Variants in IMPG1 observed in about 807,000 individuals in gnomAD.
IMPG1 encodes interphotoreceptor matrix proteoglycan 1.
A neutral mutation model predicts 92.0 loss-of-function variants in IMPG1; 85 were observed. That is an observed-to-expected ratio of 0.92 (90% confidence interval 0.78 to 1.11). The LOEUF is 1.11. IMPG1 is among the 50% of genes least tolerant of loss of function. The pLI is 0.00. For missense variants in IMPG1, 1,022 were observed against 956.0 expected, an observed-to-expected ratio of 1.07 and a Z score of -0.91; for synonymous variants, 367 against 334.1, an observed-to-expected ratio of 1.10 and a Z score of -1.08.
In IMPG1 at chr6:75,935,630, G is replaced by A. The variant is rs201076107; in HGVS notation, c.2045-4479C>T. On this transcript the variant is annotated intron_variant, in intron 14 of 16. Transcript: ENST00000369950. ...GGTGAAGGGGTCATTCCTTTGCCTG[G>A]GGCATCAGAGAAAGGCAAACTTACG... 5.9e-5 allele frequency among the ~76,000 whole-genome samples: 9 copies of A among 152,256 alleles called. No homozygotes were observed. The East Asian group carries it at 1.5e-3, about 26-fold the overall frequency.
chr6:75,987,685 C>G (rs144432529), intron 12 of IMPG1, among the ~76,000 whole-genome samples: 1,561 of 149,862 alleles, frequency 0.01, 30 homozygotes, highest in African/African-American at 0.037. Context: ...CACTCTGTTA[C>G]CCAGGCTGGA....
At chr6:76,034,174 G>A in intron 4 of IMPG1, 141 bp downstream of exon 4, 1 of 745,802 alleles carries the variant, frequency 1.3e-6, no homozygotes, top group South Asian at 1.8e-5. Context: ...ATTATATGCA[G>A]GAATTGTCTG....
chr6:76,007,464 T>C lies in IMPG1; in HGVS notation c.887+16A>G, dbSNP rs1248620397. On this transcript the variant is annotated intron_variant, in intron 9 of 16. Transcript: ENST00000369950. Reference sequence around the variant, plus strand: ...ACGGGAATGTACTATATTTCAAAACTTAAAGTCCAAATTACCCATCTTTTT... The same window carrying C: ...ACGGGAATGTACTATATTTCAAAACCTAAAGTCCAAATTACCCATCTTTTT... 1 of 1,586,758 alleles carries C rather than the reference T, an allele frequency of 6.3e-7. No individual in the cohort carries two copies. Among genetic ancestry groups the C allele is most frequent in the Non-Finnish European group, 8.6e-7 (1 of 1,160,030 alleles).
intron 12 of IMPG1, among the ~76,000 whole-genome samples, chr6:75,971,565 T>A (rs367812323): frequency 6.6e-6 from 1 of 152,222 alleles, no homozygotes; most frequent in African/African-American, 2.4e-5. Context: ...TAACCTCCCC[T>A]TAATTTACAC....
intron 1 of IMPG1, among the ~76,000 whole-genome samples, chr6:76,056,605 C>T (rs1784124379): frequency 6.6e-6 from 1 of 152,050 alleles, no homozygotes; most frequent in Admixed American, 6.6e-5. Context: ...GAAGAACTTC[C>T]ATACTGTTTT....
intron 2 of IMPG1, among the ~76,000 whole-genome samples, chr6:76,040,498 C>CT (rs1423426160): frequency 6.6e-5 from 10 of 152,200 alleles, no homozygotes; most frequent in Non-Finnish European, 1.5e-5. Context: ...ACTCATGTCA[C>CT]TGTCTTTTCT....
intron 12 of IMPG1, among the ~76,000 whole-genome samples, chr6:75,985,313 G>T (rs1782695675): frequency 6.6e-6 from 1 of 152,156 alleles, no homozygotes; most frequent in Admixed American, 6.5e-5. Context: ...CTGGCAGAGA[G>T]GATGCAGTAG....
chr6:75,974,451 T>TG (rs1782499256), intron 12 of IMPG1, among the ~76,000 whole-genome samples: 1 of 133,048 alleles, frequency 7.5e-6, no homozygotes, highest in Non-Finnish European at 1.6e-5. Context: ...CTTCCTTCCT[T>TG]CTTTCTTCTT....
intron 12 of IMPG1, among the ~76,000 whole-genome samples, chr6:75,961,816 C>T (rs1782216113): frequency 6.6e-6 from 1 of 152,160 alleles, no homozygotes; most frequent in Admixed American, 6.5e-5. Context: ...TACTATCAAT[C>T]AAGTGTCAGG....
At chr6:75,970,409 T>G (rs1264691837) in intron 12 of IMPG1, among the ~76,000 whole-genome samples, 4 of 152,144 alleles carry the variant, frequency 2.6e-5, no homozygotes, top group Non-Finnish European at 5.9e-5. Flanking sequence ...TATTACACTT[T>G]CCCTCACTAA....
intron 15 of IMPG1, among the ~76,000 whole-genome samples, chr6:75,929,112 G>A (rs900662404): frequency 2.0e-5 from 3 of 152,064 alleles, no homozygotes; most frequent in African/African-American, 7.2e-5. Context: ...AACTATTCTT[G>A]TAGAAATAAT....
At position 75,958,618 on chromosome 6, in the gene IMPG1, T is replaced by C. The variant is rs114473344; in HGVS notation, c.1292-7524A>G. ...CATTTTTTTTTCTCTAATCTTTTAT[T>C]CATTGAGTTGATCTTCAACCTCTGA... On this transcript the variant is annotated intron_variant, in intron 12 of 16. Coordinates refer to ENST00000369950, the MANE Select transcript of IMPG1 (RefSeq NM_001563.4). Among the ~76,000 whole-genome samples the C allele has an allele frequency of 7.5e-3, 1,148 of 152,244 alleles. 15 individuals carry two copies. The highest frequency in any genetic ancestry group is 0.026 in the African/African-American group (1,083 of 41,534).
chr6:76,037,915 G>T (rs1234778445), intron 2 of IMPG1, among the ~76,000 whole-genome samples: 2 of 152,180 alleles, frequency 1.3e-5, no homozygotes, highest in African/African-American at 4.8e-5. Flanking sequence ...TGAGTGTGTT[G>T]CTTTTGGTCT....
intron 12 of IMPG1, among the ~76,000 whole-genome samples, chr6:75,985,809 T>C (rs1782707080): frequency 1.3e-5 from 2 of 152,196 alleles, no homozygotes; most frequent in African/African-American, 4.8e-5. Flanking sequence ...TGCACCTCTA[T>C]ATGCACTTAT....
intron 12 of IMPG1, among the ~76,000 whole-genome samples, chr6:75,991,116 G>A (rs1262551384): frequency 6.6e-6 from 1 of 152,128 alleles, no homozygotes; most frequent in Non-Finnish European, 1.5e-5. Context: ...TGTAAAAATG[G>A]ACACGGTGGT....
chr6:75,951,796 G>C (rs190701627), intron 12 of IMPG1, among the ~76,000 whole-genome samples: 130 of 152,156 alleles, frequency 8.5e-4, no homozygotes, highest in Admixed American at 2.5e-3. Context: ...CTCTCAATTA[G>C]CTGGGTGTAG....
chr6:76,046,406 A>C (rs1458158853), intron 1 of IMPG1, among the ~76,000 whole-genome samples: 1 of 152,222 alleles, frequency 6.6e-6, no homozygotes, highest in Non-Finnish European at 1.5e-5. Context: ...TGAATAAAGA[A>C]AAGATAGAAA....
In IMPG1 at chr6:75,927,035, A is replaced by G. The variant is rs1247128327; in HGVS notation, c.2244-3329T>C. On this transcript the variant is annotated intron_variant, in intron 15 of 16. Transcript: ENST00000369950. ...CAGCTAAATTTACAGTTCTTTAGAG[A>G]ACGCTGTTTTCAAAGTTGCAGCACT... Among the ~76,000 whole-genome samples the G allele has an allele frequency of 7.2e-5, 11 of 152,198 alleles. No homozygotes were observed. In the East Asian group the frequency reaches 1.2e-3, roughly 16 times the overall value.
chr6:75,948,529 G>A (rs1350481456), intron 13 of IMPG1, among the ~76,000 whole-genome samples: 1 of 152,050 alleles, frequency 6.6e-6, no homozygotes, highest in South Asian at 2.1e-4. Context: ...TCCCTCACAA[G>A]GTTTTTGTGT....
Sources: gnomAD v4.1 joint callset for allele counts (sites outside exome capture counted in the v4.1 genomes callset) on GRCh38, gnomAD v4.1.1 for gene constraint, MANE v1.5 for transcripts, NCBI Gene and HGNC (gene_info 2026-07-23, HGNC 2026-07-21) for gene names.